The following ADK variants were observed in gnomAD, a reference collection of about 807,000 sequenced individuals.
ADK encodes adenosine kinase.
In ADK, 24 loss-of-function variants were observed where a neutral mutation model predicts 44.7. That is an observed-to-expected ratio of 0.54 (90% confidence interval 0.39 to 0.76). The LOEUF (loss-of-function observed/expected upper bound fraction) is 0.76, where lower values mean the gene tolerates loss of function less well. Among genes scored for constraint, ADK ranks in the 30% least tolerant of loss-of-function variants. ADK has a pLI of 0.00. For missense variants in ADK, 321 were observed against 425.1 expected (o/e 0.76, Z 2.15); for synonymous variants, 128 against 142.6 (o/e 0.90, Z 0.73).
intron 3 of ADK, among the ~76,000 whole-genome samples, chr10:74,309,439 AT>A (rs1264459008): frequency 1.3e-5 from 2 of 152,186 alleles, no homozygotes; most frequent in Non-Finnish European, 2.9e-5. Context: ...GACTTAGAGG[AT>A]AATGAATCTA....
At chr10:74,301,657 A>T (rs567139730) in intron 3 of ADK, among the ~76,000 whole-genome samples, 2 of 152,192 alleles carry the variant, frequency 1.3e-5, no homozygotes, top group East Asian at 1.9e-4. Context: ...TGTCAGTAAA[A>T]GTTTTTTGTT....
At chr10:74,187,790 A>G (rs974498811) in intron 1 of ADK, among the ~76,000 whole-genome samples, 8 of 152,054 alleles carry the variant, frequency 5.3e-5, no homozygotes, top group Non-Finnish European at 7.4e-5. Flanking sequence ...CTCTTTTGCT[A>G]TCATGTAAGG....
chr10:74,394,922 A>G (rs995742790), intron 5 of ADK, among the ~76,000 whole-genome samples: 6 of 152,150 alleles, frequency 3.9e-5, no homozygotes, highest in Non-Finnish European at 7.4e-5. Flanking sequence ...CTTAATATGA[A>G]CTTGAAATAT....
intron 9 of ADK, among the ~76,000 whole-genome samples, chr10:74,627,353 C>T (rs560626380): frequency 1.2e-4 from 18 of 152,098 alleles, no homozygotes; most frequent in South Asian, 8.3e-4. Flanking sequence ...CACAGTGATG[C>T]GCACCTGTAG....
chr10:74,297,998 A>G (rs1310430644), intron 3 of ADK, among the ~76,000 whole-genome samples: 2 of 152,124 alleles, frequency 1.3e-5, no homozygotes, highest in African/African-American at 4.8e-5. Flanking sequence ...TTTTATTACT[A>G]GGGCATACCT....
chr10:74,495,427 C>T (rs1847648041), intron 6 of ADK, among the ~76,000 whole-genome samples: 1 of 152,018 alleles, frequency 6.6e-6, no homozygotes, highest in Non-Finnish European at 1.5e-5. Context: ...CTTTCAACTT[C>T]CTTAGGGTAT....
At chr10:74,180,349 T>A (rs1842495366) in intron 1 of ADK, among the ~76,000 whole-genome samples, 1 of 150,998 alleles carries the variant, frequency 6.6e-6, no homozygotes, top group Non-Finnish European at 1.5e-5. Context: ...GCCATTCTCC[T>A]GCCTCAGCCT....
chr10:74,433,682 T>A (rs762416247), intron 6 of ADK, among the ~76,000 whole-genome samples: 7 of 152,194 alleles, frequency 4.6e-5, no homozygotes, highest in Non-Finnish European at 7.3e-5. Flanking sequence ...AATAATCATT[T>A]AAGTCAGTCA....
chr10:74,289,456 A>G (rs1054799969), intron 3 of ADK, among the ~76,000 whole-genome samples: 1 of 152,212 alleles, frequency 6.6e-6, no homozygotes, highest in East Asian at 1.9e-4. Context: ...TATTTGGCTT[A>G]AGCAAAGATA....
At chr10:74,431,146 A>T (rs1357970771) in intron 6 of ADK, among the ~76,000 whole-genome samples, 3 of 151,972 alleles carry the variant, frequency 2.0e-5, no homozygotes. Context: ...GAAGTGTTAA[A>T]GATGGTTCAG....
chr10:74,634,456 G>A (rs1209346492), intron 9 of ADK, among the ~76,000 whole-genome samples: 1 of 152,040 alleles, frequency 6.6e-6, no homozygotes, highest in Non-Finnish European at 1.5e-5. Context: ...CTGACCTCGG[G>A]ATCCGCCCGG....
intron 4 of ADK, among the ~76,000 whole-genome samples, chr10:74,345,809 G>T (rs1342064116): frequency 1.3e-5 from 2 of 152,174 alleles, no homozygotes; most frequent in African/African-American, 4.8e-5. Context: ...TTATAGTTTA[G>T]AATAGTTTGT....
intron 1 of ADK, among the ~76,000 whole-genome samples, chr10:74,195,699 T>TTTTC (rs200850381): frequency 8.1e-5 from 9 of 110,636 alleles, no homozygotes; most frequent in East Asian, 2.2e-4. Flanking sequence ...TTTCTTTTTC[T>TTTTC]TTTCTTTCTT....
chr10:74,342,255 A>G (rs911678399), intron 4 of ADK, among the ~76,000 whole-genome samples: 2 of 152,110 alleles, frequency 1.3e-5, no homozygotes, highest in Non-Finnish European at 2.9e-5. Flanking sequence ...TCTTAATAAA[A>G]TTTTCCATGA....
intron 2 of ADK, among the ~76,000 whole-genome samples, chr10:74,214,023 A>G (rs1381309579): frequency 4.6e-5 from 7 of 152,234 alleles, no homozygotes; most frequent in African/African-American, 1.7e-4. Flanking sequence ...GTATAGTTCT[A>G]TTTTAGGTAT....
chr10:74,230,243 C>G (rs1314004395), intron 3 of ADK, among the ~76,000 whole-genome samples: 1 of 151,684 alleles, frequency 6.6e-6, no homozygotes, highest in Non-Finnish European at 1.5e-5. Context: ...TGATCCTATT[C>G]TCAGGGCCCG....
At chr10:74,464,458 A>G (rs1369882254) in intron 6 of ADK, among the ~76,000 whole-genome samples, 14 of 152,086 alleles carry the variant, frequency 9.2e-5, no homozygotes. Context: ...GGCTGAAGCA[A>G]GAGGATCAAG....
chr10:74,667,147 G>T (rs1854989323), intron 9 of ADK, among the ~76,000 whole-genome samples: 1 of 151,956 alleles, frequency 6.6e-6, no homozygotes, highest in African/African-American at 2.4e-5. Context: ...TTTTATAATA[G>T]ATCTGTAAAC....
At chr10:74,559,480 GT>G (rs535622742) in intron 7 of ADK, among the ~76,000 whole-genome samples, 179 of 152,122 alleles carry the variant, frequency 1.2e-3, no homozygotes, top group African/African-American at 4.0e-3. Flanking sequence ...TGTTTTCTGG[GT>G]TTTTGTTATT....
Sources: gnomAD v4.1 joint callset for allele counts (sites outside exome capture counted in the v4.1 genomes callset) on GRCh38, gnomAD v4.1.1 for gene constraint, MANE v1.5 for transcripts, NCBI Gene and HGNC (gene_info 2026-07-23, HGNC 2026-07-21) for gene names.